WDR33: variants seen among roughly 807,000 people sequenced by gnomAD.
The protein encoded by WDR33 is WD repeat domain 33.
A neutral mutation model predicts 164.9 loss-of-function variants in WDR33; 47 were observed. The observed-to-expected ratio is 0.29, with a 90% CI of 0.23 to 0.36. The LOEUF (loss-of-function observed/expected upper bound fraction) is 0.36. WDR33 is among the 10% of genes least tolerant of loss of function. WDR33 has a pLI of 1.00. For synonymous variants in WDR33, 505 were observed against 589.0 expected (o/e 0.86, Z 2.06); for missense variants, 1,137 against 1,754.1 (o/e 0.65, Z 6.28).
intron 1 of WDR33, among the ~76,000 whole-genome samples, chr2:127,778,737 G>A (rs984154045): frequency 1.3e-5 from 2 of 152,238 alleles, no homozygotes; most frequent in South Asian, 4.1e-4. Context: ...GGGGGTGTCA[G>A]GGGAGAGACA....
Position 127,723,487 on chromosome 2 carries a change from A to T in WDR33, c.1197-140T>A. 1.5e-6 allele frequency: 1 copy of T among 662,560 alleles called. No individual in the cohort carries two copies. The highest frequency in any genetic ancestry group is 2.5e-6 in the Non-Finnish European group (1 of 402,432). The allele number at this position is 662,560 out of a possible 1,614,324, so 41.0% of individuals were successfully genotyped here. On this transcript the variant is annotated intron_variant, in intron 11 of 21. Transcript: ENST00000322313. The surrounding 1 kb of genome is among the most constrained non-coding windows in gnomAD (Gnocchi z 5.9). ...ACAAATTTAAAATGTGAGGTCATAC[A>T]CTTTGGCTCACATCTGTAATCCCAG...
intron 7 of WDR33, among the ~76,000 whole-genome samples, chr2:127,744,163 G>C (rs1481978373): frequency 2.6e-5 from 4 of 152,146 alleles, no homozygotes; most frequent in Non-Finnish European, 5.9e-5. Context: ...CTTCATCGTT[G>C]ATGACTTCCT....
rs143249179 is a variant in WDR33 at position 127,703,292 on chromosome 2, C to G, written c.*3031G>C. The G allele has an allele frequency of 0.016, 2,745 of 167,232 alleles. 35 individuals are homozygous for G. The highest frequency in any genetic ancestry group is 0.028 in the Non-Finnish European group (1,915 of 68,126). 10.4% of individuals were successfully genotyped at this position (167,232 alleles called of 1,614,324 possible). On this transcript the variant is annotated 3_prime_UTR_variant, in exon 22 of 22. Transcript: ENST00000322313. Reference sequence around the variant, plus strand: ...CAGAACCTGGGAAGTAGGTCCCAGACATCAGGACCTTTTTAAAGCTCCCCA... The same window carrying G: ...CAGAACCTGGGAAGTAGGTCCCAGAGATCAGGACCTTTTTAAAGCTCCCCA...
intron 7 of WDR33, 166 bp downstream of exon 7, chr2:127,762,896 A>T (rs1178564735): frequency 7.0e-7 from 1 of 1,420,012 alleles, no homozygotes; most frequent in East Asian, 2.6e-5. Flanking sequence ...CTACAAAATG[A>T]CTGTGAGTCA....
Position 127,763,244 on chromosome 2 carries a change from A to C in WDR33, c.627-85T>G. 1 of 1,600,750 alleles carries C rather than the reference A, an allele frequency of 6.2e-7. No homozygotes were observed. The highest frequency in any genetic ancestry group is 8.5e-7 in the Non-Finnish European group (1 of 1,172,448). ...TTCTCAGACAGGGAAAAATAAAAACACTGTGCTGCATTATAAACAGGAGAG... is the reference window on the plus strand; with the variant it reads ...TTCTCAGACAGGGAAAAATAAAAACCCTGTGCTGCATTATAAACAGGAGAG... On this transcript the variant is annotated intron_variant, in intron 6 of 21. Transcript: ENST00000322313. This position sits in a 1 kb window ranked among gnomAD's most constrained non-coding sequence, Gnocchi z 4.5.
At position 127,701,734 on chromosome 2, in the gene WDR33, C is replaced by G. The variant is rs1685887851; in HGVS notation, c.*4589G>C. 7.1e-7 allele frequency: 1 copy of G among 1,402,648 alleles called. No homozygotes were observed. The highest frequency in any genetic ancestry group is 9.3e-7 in the Non-Finnish European group (1 of 1,077,868). 86.9% of individuals were successfully genotyped at this position (1,402,648 alleles called of 1,614,324 possible). ...GCAGCGGCCGGCCTGACGTGCCTCC[C>G]GAGCGTGACGCGCGGGCAGCGGCTG... On this transcript the variant is annotated 3_prime_UTR_variant, in exon 22 of 22. Transcript: ENST00000322313.
Position 127,722,517 on chromosome 2 carries a change from A to C in WDR33, c.1518+74T>G. ...GTACAGAAACACCTTCAACAGTGAG[A>C]TAATCCAAGAGAAACCTCAAACTAA... On this transcript the variant is annotated intron_variant, in intron 14 of 21. Transcript: ENST00000322313. The surrounding 1 kb of genome is among the most constrained non-coding windows in gnomAD (Gnocchi z 5.1). The C allele has an allele frequency of 6.4e-7, 1 of 1,561,162 alleles. No individual in the cohort carries two copies. The highest frequency in any genetic ancestry group is 8.7e-7 in the Non-Finnish European group (1 of 1,156,022).
chr2:127,739,770 TAG>T (rs1686960195), intron 7 of WDR33, among the ~76,000 whole-genome samples: 1 of 152,216 alleles, frequency 6.6e-6, no homozygotes, highest in African/African-American at 2.4e-5. Flanking sequence ...TATTTCCATA[TAG>T]ACTTAGTTAT....
rs374790333 is a variant in WDR33 at position 127,770,915 on chromosome 2, G to A, written c.67C>T (p.Arg23Ter). 1 of 1,614,042 alleles carries A rather than the reference G, an allele frequency of 6.2e-7. No homozygotes were observed. The highest frequency in any genetic ancestry group is 2.2e-5 in the East Asian group (1 of 44,886). The change falls in exon 2 of 22, where the codon CGA becomes TGA. Residue 23 changes from arginine to a stop codon, truncating the protein, a stop_gained. Transcript: ENST00000322313. LOFTEE classifies it high-confidence loss of function. This position sits in a 1 kb window ranked among gnomAD's most constrained non-coding sequence, Gnocchi z 4.9. ...HMPRFQHQAP[R>*]QLFYKRPDFA... The stretch of plus-strand genomic sequence containing the variant: ...TCAGGTCGCTTATAAAACAGCTGTC[G>A]AGGTGCCTGGTGCTGGAACCTTGGC...
At position 127,701,566 on chromosome 2, in the gene WDR33, C is replaced by T. The variant is rs776086481; in HGVS notation, c.*4757G>A. The T allele has an allele frequency of 1.2e-5, 17 of 1,365,390 alleles. No homozygotes were observed. The highest frequency in any genetic ancestry group is 6.8e-5 in the Admixed American group (2 of 29,346). The allele number at this position is 1,365,390 out of a possible 1,614,324, so 84.6% of individuals were successfully genotyped here. ...CACCGCCAGCTGCAGGAGTACCTGGCGCAGGGGAAAGCTGGCGGCCCGGCG... is the reference window on the plus strand; with the variant it reads ...CACCGCCAGCTGCAGGAGTACCTGGTGCAGGGGAAAGCTGGCGGCCCGGCG... On this transcript the variant is annotated 3_prime_UTR_variant, in exon 22 of 22. Transcript: ENST00000322313.
Position 127,702,586 on chromosome 2 carries a change from G to A in WDR33, c.*3737C>T, listed in dbSNP as rs532218252. ...AAAATCCAGTGGTAGATGTAGCTTA[G>A]CGACGGTAGTTTTTTGTTTTGGCTA... On this transcript the variant is annotated 3_prime_UTR_variant, in exon 22 of 22. Transcript: ENST00000322313. 4 of 168,214 alleles carry A rather than the reference G, an allele frequency of 2.4e-5. No individual in the cohort carries two copies. Among genetic ancestry groups the A allele is most frequent in the African/African-American group, 9.6e-5 (4 of 41,638 alleles). 10.4% of individuals were successfully genotyped at this position (168,214 alleles called of 1,614,324 possible).
chr2:127,801,460 G>C (rs994753598), intron 1 of WDR33, among the ~76,000 whole-genome samples: 2 of 150,854 alleles, frequency 1.3e-5, no homozygotes, highest in Non-Finnish European at 2.9e-5. Context: ...GCGAAGACCA[G>C]CCTGAGCAAC....
intron 7 of WDR33, among the ~76,000 whole-genome samples, chr2:127,761,489 C>T (rs1283978040): frequency 1.3e-5 from 2 of 152,172 alleles, no homozygotes; most frequent in Admixed American, 6.5e-5. Flanking sequence ...CGTGAGCCAC[C>T]GCGCCCAGCT....
intron 7 of WDR33, 165 bp downstream of exon 7, chr2:127,762,897 C>T: frequency 7.0e-7 from 1 of 1,418,710 alleles, no homozygotes; most frequent in South Asian, 1.6e-5. Flanking sequence ...TACAAAATGA[C>T]TGTGAGTCAG....
At position 127,709,379 on chromosome 2, in the gene WDR33, C is replaced by T; in HGVS notation, c.3565+111G>A. ...CAGGACAGGAGACAGCCCAGCCCCC[C>T]GGGAGACATGAGCTGGAAAGAGGAG... On this transcript the variant is annotated intron_variant, in intron 20 of 21. Coordinates refer to ENST00000322313, the MANE Select transcript of WDR33 (RefSeq NM_018383.5). The surrounding 1 kb of genome is among the most constrained non-coding windows in gnomAD (Gnocchi z 5.0). The T allele has an allele frequency of 1.1e-5, 11 of 1,040,916 alleles. No homozygotes were observed. The highest frequency in any genetic ancestry group is 5.5e-5 in the South Asian group (4 of 72,198). The allele number at this position is 1,040,916 out of a possible 1,614,324, so 64.5% of individuals were successfully genotyped here.
intron 1 of WDR33, among the ~76,000 whole-genome samples, chr2:127,795,100 C>CCCTT (rs1688987624): frequency 8.9e-6 from 1 of 112,726 alleles, no homozygotes; most frequent in Non-Finnish European, 1.8e-5. Context: ...GCAATAACTT[C>CCCTT]TCTTTTTTTT....
intron 1 of WDR33, among the ~76,000 whole-genome samples, chr2:127,803,364 A>G (rs879855308): frequency 1.3e-5 from 2 of 152,090 alleles, no homozygotes; most frequent in African/African-American, 2.4e-5. Flanking sequence ...CGGATCACTT[A>G]AGGCCAGGGG....
chr2:127,706,024 T>G lies in WDR33; in HGVS notation c.*299A>C. On this transcript the variant is annotated 3_prime_UTR_variant, in exon 22 of 22. Transcript: ENST00000322313. The surrounding 1 kb of genome is among the most constrained non-coding windows in gnomAD (Gnocchi z 5.1). ...ATTTCCAAATGGACAGGAACTTAAATTTGTGGAGATGCCCCATGTCTTGTG... is the reference window on the plus strand; with the variant it reads ...ATTTCCAAATGGACAGGAACTTAAAGTTGTGGAGATGCCCCATGTCTTGTG... 1 of 338,714 alleles carries G rather than the reference T, an allele frequency of 3.0e-6. No homozygotes were observed. The allele number at this position is 338,714 out of a possible 1,614,324, so 21.0% of individuals were successfully genotyped here.
intron 7 of WDR33, among the ~76,000 whole-genome samples, chr2:127,728,499 AT>A (rs1686623121): frequency 6.6e-6 from 1 of 152,162 alleles, no homozygotes; most frequent in South Asian, 2.1e-4. Context: ...ATATTTTTAT[AT>A]TTTCTACAAT....
Sources: gnomAD v4.1 joint callset for allele counts (sites outside exome capture counted in the v4.1 genomes callset) on GRCh38, gnomAD v4.1.1 for gene constraint, Gnocchi (gnomAD v3.1) non-coding constraint, MANE v1.5 for transcripts, NCBI Gene and HGNC (gene_info 2026-07-23, HGNC 2026-07-21) for gene names.